RBFOX3: variants seen among roughly 807,000 people sequenced by gnomAD.
RBFOX3 encodes the protein RNA binding fox-1 homolog 3, also known as RNA binding protein fox-1 homolog 3.
Under a neutral mutation model 48.7 loss-of-function variants are expected in RBFOX3, and 17 were observed. The observed-to-expected ratio is 0.35, with a 90% CI of 0.24 to 0.52. The LOEUF (loss-of-function observed/expected upper bound fraction) is 0.52. Ranked by LOEUF, RBFOX3 falls within the 20% of genes least tolerant of loss-of-function variation. RBFOX3 has a pLI of 0.94. For missense variants in RBFOX3, 382 were observed against 497.5 expected (o/e 0.77, Z 2.21); for synonymous variants, 212 against 209.5 (o/e 1.01, Z -0.10).
intron 2 of RBFOX3, among the ~76,000 whole-genome samples, chr17:79,456,399 G>T (rs1236812356): frequency 8.6e-5 from 13 of 151,796 alleles, no homozygotes; most frequent in African/African-American, 3.1e-4. Flanking sequence ...GCATCCCTGG[G>T]TCCCCACCCA....
chr17:79,380,700 A>C (rs944512752), intron 2 of RBFOX3, among the ~76,000 whole-genome samples: 1 of 152,188 alleles, frequency 6.6e-6, no homozygotes, highest in Non-Finnish European at 1.5e-5. Flanking sequence ...TTTTGGATGC[A>C]TTTGGTGAGC....
chr17:79,664,110 C>G, the RBFOX3 span, among the ~76,000 whole-genome samples: 3 of 152,174 alleles, frequency 2.0e-5, no homozygotes, highest in South Asian at 2.1e-4. Context: ...GGGAAAGACA[C>G]AGAACAGTTG....
At chr17:79,434,395 C>T (rs782015661) in intron 2 of RBFOX3, among the ~76,000 whole-genome samples, 22 of 152,192 alleles carry the variant, frequency 1.4e-4, no homozygotes, top group African/African-American at 1.9e-4. Context: ...CCGTTTGTTA[C>T]GCAGCAAGAA....
intron 3 of RBFOX3, among the ~76,000 whole-genome samples, chr17:79,275,315 G>A (rs1283436544): frequency 1.3e-5 from 2 of 151,916 alleles, no homozygotes; most frequent in African/African-American, 4.8e-5. Context: ...GGTTTTCTCT[G>A]TCCCTGATGT....
intron 4 of RBFOX3, among the ~76,000 whole-genome samples, chr17:79,144,208 G>A (rs901956741): frequency 6.6e-6 from 1 of 152,200 alleles, no homozygotes; most frequent in Non-Finnish European, 1.5e-5. Flanking sequence ...CCTCCAAGCC[G>A]TCCTGGCATC....
intron 4 of RBFOX3, among the ~76,000 whole-genome samples, chr17:79,174,276 GCACTCACATA>G (rs2050023647): frequency 6.6e-6 from 1 of 151,874 alleles, no homozygotes; most frequent in African/African-American, 2.4e-5. Flanking sequence ...ACACTCACAT[GCACTCACATA>G]CATGCCACAT....
intron 2 of RBFOX3, among the ~76,000 whole-genome samples, chr17:79,388,255 G>A (rs979747806): frequency 1.3e-5 from 2 of 152,344 alleles, no homozygotes; most frequent in East Asian, 1.9e-4. Flanking sequence ...CTCTATCACA[G>A]AAGAGTCATG....
intron 2 of RBFOX3, among the ~76,000 whole-genome samples, chr17:79,339,744 G>C (rs1031171158): frequency 6.6e-6 from 1 of 152,192 alleles, no homozygotes; most frequent in Admixed American, 6.5e-5. Flanking sequence ...TGGGGTCTGG[G>C]TCCTCATTTT....
At chr17:79,241,261 A>G (rs1016712921) in intron 3 of RBFOX3, among the ~76,000 whole-genome samples, 26 of 150,520 alleles carry the variant, frequency 1.7e-4, no homozygotes, top group African/African-American at 5.6e-4. Flanking sequence ...TGAGCCTCCC[A>G]CTTCGGCCTT....
intron 2 of RBFOX3, among the ~76,000 whole-genome samples, chr17:79,398,405 G>A (rs2062323284): frequency 6.6e-6 from 1 of 152,176 alleles, no homozygotes; most frequent in Admixed American, 6.5e-5. Context: ...GTGAACTGGC[G>A]AGGCCTGGCA....
Position 79,427,005 on chromosome 17 carries a change from C to T in RBFOX3, c.-175+55449G>A, listed in dbSNP as rs1030529640. Among the ~76,000 whole-genome samples, 70 of 152,148 alleles carry T rather than the reference C, an allele frequency of 4.6e-4. 1 individual carries two copies. Among genetic ancestry groups the T allele is most frequent in the Admixed American group, 3.9e-4 (6 of 15,272 alleles). ...AGGTGTGAGCCACCACACCCAGCCC[C>T]GGAGTCCCTTTTCTTAGTTTATTTA... On this transcript the variant is annotated intron_variant, in intron 2 of 14. Transcript: ENST00000693108.
chr17:79,513,986 A>G (rs1295269863), intron 1 of RBFOX3, among the ~76,000 whole-genome samples: 1 of 152,232 alleles, frequency 6.6e-6, no homozygotes, highest in Admixed American at 6.5e-5. Flanking sequence ...GCATGTGACC[A>G]GACCTGCCAA....
At chr17:79,594,453 C>T (rs1319464518) in intron 1 of RBFOX3, among the ~76,000 whole-genome samples, 2 of 152,160 alleles carry the variant, frequency 1.3e-5, no homozygotes, top group East Asian at 1.9e-4. Context: ...CACCAGCCAG[C>T]CCCCTCCAGG....
rs185480686 is a variant in RBFOX3 at position 79,452,961 on chromosome 17, C to T, written c.-175+29493G>A. 2.4e-3 allele frequency among the ~76,000 whole-genome samples: 368 copies of T among 152,368 alleles called. 2 individuals are homozygous for T. The highest frequency in any genetic ancestry group is 2.5e-3 in the Non-Finnish European group (170 of 68,044). Reference sequence around the variant, plus strand: ...CACCTGGACCACGTCTCCCCTCCAACACCCACTGAGACGTGCAGCTTGGAG... The same window carrying T: ...CACCTGGACCACGTCTCCCCTCCAATACCCACTGAGACGTGCAGCTTGGAG... On this transcript the variant is annotated intron_variant, in intron 2 of 14. Coordinates refer to ENST00000693108, the MANE Select transcript of RBFOX3 (RefSeq NM_001350451.2).
intron 3 of RBFOX3, among the ~76,000 whole-genome samples, chr17:79,265,902 C>T (rs2066618341): frequency 6.6e-6 from 1 of 152,190 alleles, no homozygotes; most frequent in Non-Finnish European, 1.5e-5. Flanking sequence ...GGGGCCCCCA[C>T]AGAGCTCAGG....
chr17:79,623,177 A>G, the RBFOX3 span, among the ~76,000 whole-genome samples: 3 of 152,178 alleles, frequency 2.0e-5, no homozygotes, highest in African/African-American at 7.2e-5. Context: ...CCCCATCTAC[A>G]GATGAAGAAA....
intron 2 of RBFOX3, among the ~76,000 whole-genome samples, chr17:79,380,312 G>A (rs537570849): frequency 1.8e-4 from 27 of 152,304 alleles, no homozygotes; most frequent in African/African-American, 4.1e-4. Context: ...ATTCAACTAC[G>A]GCTCTGCCTA....
intron 1 of RBFOX3, among the ~76,000 whole-genome samples, chr17:79,582,497 A>G (rs1297695487): frequency 3.3e-5 from 5 of 152,146 alleles, no homozygotes; most frequent in African/African-American, 1.2e-4. Flanking sequence ...CTTCTCAATA[A>G]ATCTCTGTTC....
intron 1 of RBFOX3, among the ~76,000 whole-genome samples, chr17:79,524,221 G>T (rs985991678): frequency 2.9e-4 from 44 of 152,310 alleles, no homozygotes; most frequent in African/African-American, 8.9e-4. Context: ...AAAGGGTACT[G>T]CAGACAACAA....
Sources: allele counts gnomAD v4.1 joint callset (sites outside exome capture counted in the v4.1 genomes callset), GRCh38; gene constraint gnomAD v4.1.1; transcripts MANE v1.5; gene names NCBI Gene and HGNC (gene_info 2026-07-23, HGNC 2026-07-21).